Variants in XPNPEP2 observed in about 807,000 individuals in gnomAD.
The protein encoded by XPNPEP2 is X-prolyl aminopeptidase 2, also known as xaa-Pro aminopeptidase 2.
Under a neutral mutation model 59.8 loss-of-function variants are expected in XPNPEP2, and 64 were observed. That is an observed-to-expected ratio of 1.07 (90% CI 0.87 to 1.32). XPNPEP2 has a LOEUF of 1.32. Among genes scored for constraint, XPNPEP2 ranks in the 40% most tolerant of loss-of-function variants. The pLI, the probability that XPNPEP2 is intolerant of heterozygous loss-of-function variation, is 0.00. For missense variants in XPNPEP2, 575 were observed against 546.8 expected (o/e 1.05, Z -0.51); for synonymous variants, 235 against 210.0 (o/e 1.12, Z -1.03).
At chrX:129,751,367 G>A (rs1225422720) in intron 8 of XPNPEP2, among the ~76,000 whole-genome samples, 3 of 109,128 alleles carry the variant, frequency 2.7e-5, no homozygotes, top group Non-Finnish European at 5.7e-5. Context: ...AATTAGCTGG[G>A]CATGGTGGCA....
At chrX:129,766,977 G>A (rs1169409375) in intron 19 of XPNPEP2, among the ~76,000 whole-genome samples, 2 of 111,494 alleles carry the variant, frequency 1.8e-5, no homozygotes, top group Non-Finnish European at 3.8e-5. Context: ...ACTTTGGGAA[G>A]CTGAGGTGGG....
At chrX:129,747,001 C>T (rs2124020780) in intron 6 of XPNPEP2, 1 of 283,937 alleles carries the variant, frequency 3.5e-6, no homozygotes, top group East Asian at 8.2e-5. Context: ...TCCTCTGTGC[C>T]CTGGAACCCT....
chrX:129,768,652 A>G lies in XPNPEP2; in HGVS notation c.*167A>G. 2.4e-6 allele frequency: 1 copy of G among 411,150 alleles called. No individual in the cohort carries two copies. Among genetic ancestry groups the G allele is most frequent in the Non-Finnish European group, 3.8e-6 (1 of 264,674 alleles). The allele number at this position is 411,150 out of a possible 1,213,427, so 33.9% of individuals were successfully genotyped here. On this transcript the variant is annotated 3_prime_UTR_variant, in exon 21 of 21. Transcript: ENST00000371106. ...ACCTATGGAGAAGGTCCCAGGCCCC[A>G]GGAACACAGGGCTTCTTGGCCCCAG...
intron 19 of XPNPEP2, among the ~76,000 whole-genome samples, chrX:129,765,651 T>A (rs1628587): frequency 0.048 from 4,697 of 97,861 alleles, 85 homozygotes; most frequent in African/African-American, 0.11. Context: ...TTTTTTTTTT[T>A]TTTTTTGATG....
chrX:129,755,227 A>G, intron 12 of XPNPEP2, 67 bp from the exon 13 acceptor site: 2 of 1,056,268 alleles, frequency 1.9e-6, no homozygotes, highest in Non-Finnish European at 1.3e-6. Flanking sequence ...GGATTTGATT[A>G]GATATCCCGG....
intron 10 of XPNPEP2, among the ~76,000 whole-genome samples, chrX:129,752,841 C>T (rs1255901235): frequency 1.8e-5 from 2 of 112,351 alleles, no homozygotes; most frequent in East Asian, 2.8e-4. Flanking sequence ...GACAGCCTGT[C>T]GAGTGACTCA....
chrX:129,760,665 C>A, intron 16 of XPNPEP2, 84 bp downstream of exon 16: 1 of 1,011,835 alleles, frequency 9.9e-7, no homozygotes, highest in Non-Finnish European at 1.4e-6. Flanking sequence ...GCTGGTGGGG[C>A]AAGGATTTTG....
At position 129,739,044 on chromosome X, in the gene XPNPEP2, A is replaced by C; in HGVS notation, c.-170A>C. ...TGGCTCCCAGAGCCCTCCAAAACAA[A>C]AGACCAGAGAAGCACTCTCCACCCA... On this transcript the variant is annotated 5_prime_UTR_variant, in exon 1 of 21. Coordinates refer to ENST00000371106, the MANE Select transcript of XPNPEP2 (RefSeq NM_003399.6). The C allele has an allele frequency of 3.9e-6, 2 of 509,828 alleles. No homozygotes were observed. The highest frequency in any genetic ancestry group is 6.0e-5 in the South Asian group (2 of 33,366). The allele number at this position is 509,828 out of a possible 1,213,427, so 42.0% of individuals were successfully genotyped here. A position where few individuals can be genotyped will look rare whatever the true frequency, so the allele number is the denominator to read the frequency against.
chrX:129,762,589 G>A (rs999911738), intron 18 of XPNPEP2, 105 bp from the exon 19 acceptor site: 21 of 702,393 alleles, frequency 3.0e-5, no homozygotes, highest in Non-Finnish European at 4.5e-5. Context: ...ACAGCCAGGG[G>A]ACAGCCAGAC....
intron 7 of XPNPEP2, among the ~76,000 whole-genome samples, chrX:129,748,257 C>T (rs1289005138): frequency 8.9e-6 from 1 of 112,107 alleles, no homozygotes. Flanking sequence ...CATTCTGTAG[C>T]ACAGATTACA....
chrX:129,764,640 A>G (rs1926714448), intron 19 of XPNPEP2, among the ~76,000 whole-genome samples: 1 of 89,835 alleles, frequency 1.1e-5, no homozygotes, highest in Non-Finnish European at 2.1e-5. Flanking sequence ...GGGCAACAAG[A>G]GCAAAACTCT....
Position 129,756,441 on chromosome X carries a change from G to A in XPNPEP2, c.1296-43G>A, listed in dbSNP as rs56401298. 3.5e-3 allele frequency: 4,178 copies of A among 1,189,687 alleles called. 84 individuals are homozygous for A. In the African/African-American group the frequency reaches 0.062, roughly 18 times the overall value. ...ACCAAGGCCTCCCACGTGACCCAGT[G>A]CAGGGTTAGGCTGCCCTTCTCAACA... is the stretch of plus-strand genomic sequence containing the variant. On this transcript the variant is annotated intron_variant, in intron 13 of 20. Coordinates refer to ENST00000371106, the MANE Select transcript of XPNPEP2 (RefSeq NM_003399.6).
chrX:129,752,699 T>C (rs1160182332), intron 10 of XPNPEP2, among the ~76,000 whole-genome samples: 4 of 112,556 alleles, frequency 3.6e-5, no homozygotes, highest in African/African-American at 1.3e-4. Flanking sequence ...ACCTATAAAA[T>C]GGCAATAAGA....
intron 9 of XPNPEP2, 142 bp downstream of exon 9, chrX:129,751,968 C>G: frequency 1.2e-6 from 1 of 806,210 alleles, no homozygotes; most frequent in African/African-American, 2.0e-5. Context: ...CTTTAGAAAA[C>G]CCCCTGTTGT....
rs1204912788 is a variant in XPNPEP2, at chrX:129,754,530, A to G, written c.1166A>G (p.Lys389Arg). The G allele has an allele frequency of 2.5e-6, 3 of 1,191,784 alleles. No individual in the cohort carries two copies. Among genetic ancestry groups the G allele is most frequent in the East Asian group, 6.1e-5 (2 of 32,875 alleles). ...GTCTGGCTGGAGAAGAACGTGCCCA[A>G]AGGCACAGTGGATGAGTTCTCGGGG... is the stretch of plus-strand genomic sequence containing the variant. ...YLVWLEKNVPKGTVDEFSGAE... is the reference protein window; with the variant it reads ...YLVWLEKNVPRGTVDEFSGAE... The change falls in exon 12 of 21, where the codon AAA becomes AGA. Residue 389 changes from lysine to arginine, a missense_variant. Coordinates refer to ENST00000371106, the MANE Select transcript of XPNPEP2 (RefSeq NM_003399.6).
chrX:129,757,091 C>T lies in XPNPEP2; in HGVS notation c.1367+536C>T, dbSNP rs574034508. ...ACACACATACACACACACACACACA[C>T]ATATATATATATGTATGTATTAGTA... On this transcript the variant is annotated intron_variant, in intron 14 of 20. Coordinates refer to ENST00000371106, the MANE Select transcript of XPNPEP2 (RefSeq NM_003399.6). Among the ~76,000 whole-genome samples, 15 of 100,063 alleles carry T rather than the reference C, an allele frequency of 1.5e-4. No individual in the cohort carries two copies. In the South Asian group the frequency reaches 3.0e-3, roughly 20 times the overall value. 86.9% of individuals were successfully genotyped at this position (100,063 alleles called of 115,157 possible).
chrX:129,752,197 T>A lies in XPNPEP2; in HGVS notation c.869T>A (p.Leu290Gln). ...SRFSSETLSY[L>Q]NSSCTGPMCV... ...TTTAGCTCCGAAACCTTGAGCTATC[T>A]GAACTCCAGTTGCACAGGCCCCATG... Residue 290 changes from leucine to glutamine, a missense_variant, in exon 10 of 21, where the codon CTG becomes CAG. Transcript: ENST00000371106. The A allele has an allele frequency of 1.7e-6, 2 of 1,210,621 alleles. No homozygotes were observed. The highest frequency in any genetic ancestry group is 2.2e-6 in the Non-Finnish European group (2 of 894,720).
chrX:129,751,543 A>G (rs954992332), intron 8 of XPNPEP2, among the ~76,000 whole-genome samples: 6 of 31,393 alleles, frequency 1.9e-4, no homozygotes, highest in South Asian at 2.3e-3. Context: ...AGGAAGAAAG[A>G]AAGAAAGAAA....
rs1569476560 is a variant in XPNPEP2, at chrX:129,751,575, AAAGAAAGAAAGAAAGAAAGAAAGG to A, written c.740-166_740-143del. 3.0e-3 allele frequency among the ~76,000 whole-genome samples: 229 copies of A among 76,824 alleles called. 1 individual carries two copies. The highest frequency in any genetic ancestry group is 9.6e-3 in the African/African-American group (181 of 18,900). 66.7% of individuals were successfully genotyped at this position (76,824 alleles called of 115,157 possible). A position where few individuals can be genotyped will look rare whatever the true frequency, so the allele number is the denominator to read the frequency against. Reference sequence around the variant, plus strand: ...GAAAGAAAGAAAGAAAGAAAGAAAGAAAGAAAGAAAGAAAGAAAGAAAGGAAGGAAGGAAGGAAGGAAGGAAGGA... The same window carrying A: ...GAAAGAAAGAAAGAAAGAAAGAAAGAAAGGAAGGAAGGAAGGAAGGAAGGA... On this transcript the variant is annotated intron_variant, in intron 8 of 20. Transcript: ENST00000371106.
Sources: allele counts gnomAD v4.1 joint callset (sites outside exome capture counted in the v4.1 genomes callset), GRCh38; gene constraint gnomAD v4.1.1; transcripts MANE v1.5; gene names NCBI Gene and HGNC (gene_info 2026-07-23, HGNC 2026-07-21).